The following NKAIN2 variants were observed in gnomAD, a reference collection of about 807,000 sequenced individuals.
NKAIN2 encodes sodium/potassium-transporting ATPase subunit beta-1-interacting protein 2.
A neutral mutation model predicts 32.6 loss-of-function variants in NKAIN2; 14 were observed. The observed-to-expected ratio is 0.43, with a 90% confidence interval of 0.28 to 0.67. The LOEUF (loss-of-function observed/expected upper bound fraction) is 0.67, where lower values mean the gene tolerates loss of function less well. Among genes scored for constraint, NKAIN2 ranks in the 30% least tolerant of loss-of-function variants. The pLI is 0.17. For missense variants in NKAIN2, 198 were observed against 258.3 expected, an observed-to-expected ratio of 0.77 and a Z score of 1.60; for synonymous variants, 80 against 87.2, an observed-to-expected ratio of 0.92 and a Z score of 0.46.
At chr6:124,812,264 C>T (rs983739060) in intron 5 of NKAIN2, among the ~76,000 whole-genome samples, 6 of 152,160 alleles carry the variant, frequency 3.9e-5, no homozygotes, top group African/African-American at 1.4e-4. Flanking sequence ...TCTTTATTAT[C>T]ATTCAAGGCC....
At chr6:124,720,717 G>A (rs373557940) in intron 4 of NKAIN2, among the ~76,000 whole-genome samples, 1 of 152,160 alleles carries the variant, frequency 6.6e-6, no homozygotes, top group Non-Finnish European at 1.5e-5. Flanking sequence ...GTGGGACTGG[G>A]CGACACCTCA....
At chr6:124,574,477 G>A (rs1185059529) in intron 3 of NKAIN2, among the ~76,000 whole-genome samples, 2 of 152,034 alleles carry the variant, frequency 1.3e-5, no homozygotes, top group East Asian at 3.9e-4. Context: ...AATTAGCTGG[G>A]CATAGTAGTG....
chr6:123,827,796 A>T (rs1173390988), intron 1 of NKAIN2, among the ~76,000 whole-genome samples: 2 of 151,310 alleles, frequency 1.3e-5, no homozygotes, highest in Non-Finnish European at 2.9e-5. Context: ...AGAGAAGAGG[A>T]AACATAAATA....
chr6:124,312,142 TG>T (rs1796744841), intron 2 of NKAIN2, among the ~76,000 whole-genome samples: 1 of 152,190 alleles, frequency 6.6e-6, no homozygotes, highest in Non-Finnish European at 1.5e-5. Flanking sequence ...TGCTATGCTA[TG>T]GTCATCCTTC....
chr6:124,471,797 T>C (rs1776985415), intron 3 of NKAIN2, among the ~76,000 whole-genome samples: 2 of 152,114 alleles, frequency 1.3e-5, no homozygotes, highest in South Asian at 4.1e-4. Context: ...CATATTTGTT[T>C]TTACGTATTA....
At chr6:124,573,048 CA>C (rs1178456395) in intron 3 of NKAIN2, among the ~76,000 whole-genome samples, 2 of 152,084 alleles carry the variant, frequency 1.3e-5, no homozygotes, top group Non-Finnish European at 2.9e-5. Flanking sequence ...CTCCGTTGGC[CA>C]AGCTGGTCTC....
chr6:124,182,279 C>T (rs1789485144), intron 1 of NKAIN2, among the ~76,000 whole-genome samples: 1 of 152,102 alleles, frequency 6.6e-6, no homozygotes, highest in African/African-American at 2.4e-5. Flanking sequence ...ATTATGGGAG[C>T]TACAACTCAA....
intron 4 of NKAIN2, among the ~76,000 whole-genome samples, chr6:124,720,480 A>G (rs1363441327): frequency 1.3e-5 from 2 of 152,242 alleles, no homozygotes; most frequent in Non-Finnish European, 2.9e-5. Flanking sequence ...ACACACAGAA[A>G]TAGGCTTATT....
chr6:124,656,360 T>C (rs1300850557), intron 3 of NKAIN2, among the ~76,000 whole-genome samples: 1 of 152,164 alleles, frequency 6.6e-6, no homozygotes, highest in East Asian at 1.9e-4. Flanking sequence ...TCTTCCTTCC[T>C]GTAGGGAAAG....
intron 4 of NKAIN2, among the ~76,000 whole-genome samples, chr6:124,678,831 C>T (rs568205797): frequency 7.2e-5 from 11 of 152,316 alleles, no homozygotes; most frequent in Admixed American, 5.2e-4. Context: ...TAAAAACTGG[C>T]TTTGTACAGG....
chr6:124,611,823 C>T (rs1187293955), intron 3 of NKAIN2, among the ~76,000 whole-genome samples: 1 of 152,100 alleles, frequency 6.6e-6, no homozygotes, highest in African/African-American at 2.4e-5. Flanking sequence ...GTGACTCCGC[C>T]TTGAGGTATA....
At chr6:124,125,725 T>C (rs1038735962) in intron 1 of NKAIN2, among the ~76,000 whole-genome samples, 1 of 152,212 alleles carries the variant, frequency 6.6e-6, no homozygotes, top group Non-Finnish European at 1.5e-5. Context: ...TACAGAAGCA[T>C]AGGAGTCTTA....
At chr6:124,059,105 C>A (rs1782799641) in intron 1 of NKAIN2, among the ~76,000 whole-genome samples, 1 of 151,140 alleles carries the variant, frequency 6.6e-6, no homozygotes, top group Non-Finnish European at 1.5e-5. Flanking sequence ...AAAAAAAAAA[C>A]TGACAAAGAA....
chr6:123,826,484 G>A lies in NKAIN2; in HGVS notation c.54+22230G>A, dbSNP rs557437039. Among the ~76,000 whole-genome samples, 142 of 152,070 alleles carry A rather than the reference G, an allele frequency of 9.3e-4. 1 individual carries two copies. The highest frequency in any genetic ancestry group is 3.1e-3 in the African/African-American group (128 of 41,504). ...TCCAGAACTTTTTATTTTCCCAAAC[G>A]GAAACCCTTTCCCATTGAACAGTAA... On this transcript the variant is annotated intron_variant, in intron 1 of 6. Coordinates refer to ENST00000368417, the MANE Select transcript of NKAIN2 (RefSeq NM_001040214.3).
At chr6:124,593,051 C>T (rs2114964980) in intron 3 of NKAIN2, among the ~76,000 whole-genome samples, 1 of 152,318 alleles carries the variant, frequency 6.6e-6, no homozygotes, top group South Asian at 2.1e-4. Context: ...TCCCTTTGCT[C>T]TTTGAAACTT....
intron 5 of NKAIN2, among the ~76,000 whole-genome samples, chr6:124,798,945 G>A (rs1225347176): frequency 6.6e-6 from 1 of 152,158 alleles, no homozygotes; most frequent in South Asian, 2.1e-4. Flanking sequence ...GACTCAGGAA[G>A]TATTTGCAAA....
intron 1 of NKAIN2, among the ~76,000 whole-genome samples, chr6:123,953,940 A>T: frequency 6.6e-6 from 1 of 152,184 alleles, no homozygotes; most frequent in East Asian, 1.9e-4. Context: ...CAACTGTTGT[A>T]GCCCACTGCA....
intron 2 of NKAIN2, among the ~76,000 whole-genome samples, chr6:124,290,691 C>CTT (rs58064643): frequency 2.0e-4 from 28 of 140,082 alleles, no homozygotes; most frequent in African/African-American, 6.4e-4. Flanking sequence ...TTTCTGATTG[C>CTT]TTTTTTTTTT....
intron 1 of NKAIN2, among the ~76,000 whole-genome samples, chr6:123,937,633 A>G (rs9482489): frequency 0.026 from 3,946 of 152,210 alleles, 152 homozygotes; most frequent in African/African-American, 0.087. Flanking sequence ...GAAAAATAAT[A>G]GTAAATATCT....
Sources: allele counts gnomAD v4.1 joint callset (sites outside exome capture counted in the v4.1 genomes callset), GRCh38; gene constraint gnomAD v4.1.1; transcripts MANE v1.5; gene names NCBI Gene and HGNC (gene_info 2026-07-23, HGNC 2026-07-21).